PDE4D: variants seen among roughly 807,000 people sequenced by gnomAD.
PDE4D encodes phosphodiesterase 4D.
In PDE4D, 24 loss-of-function variants were observed where a neutral mutation model predicts 87.4. The observed-to-expected ratio is 0.27, with a 90% CI of 0.20 to 0.39. The LOEUF is 0.39. PDE4D is among the 10% of genes least tolerant of loss of function. PDE4D has a pLI of 1.00. For synonymous variants in PDE4D, 384 were observed against 383.2 expected (o/e 1.00, Z -0.02); for missense variants, 714 against 1,041.0 (o/e 0.69, Z 4.32).
intron 1 of PDE4D, chr5:59,768,253 T>C (rs765287869): frequency 2.5e-6 from 4 of 1,598,132 alleles, no homozygotes; most frequent in East Asian, 4.5e-5. Flanking sequence ...TTACCATGTA[T>C]GTGCCACCGT....
At chr5:60,370,603 A>C (rs1406087427) in intron 1 of PDE4D, among the ~76,000 whole-genome samples, 1 of 152,240 alleles carries the variant, frequency 6.6e-6, no homozygotes, top group Non-Finnish European at 1.5e-5. Flanking sequence ...AAAGCTGGTC[A>C]GCCACGCTAT....
chr5:60,476,664 G>A (rs1178281618), intron 1 of PDE4D, among the ~76,000 whole-genome samples: 1 of 152,158 alleles, frequency 6.6e-6, no homozygotes, highest in Non-Finnish European at 1.5e-5. Flanking sequence ...TACAGCTGCT[G>A]CAGCACCAAA....
intron 2 of PDE4D, among the ~76,000 whole-genome samples, chr5:60,016,976 G>A (rs13355557): frequency 0.1 from 15,671 of 152,176 alleles, 1,067 homozygotes; most frequent in Middle Eastern, 0.16. Context: ...AGCTACAGCT[G>A]TATGAAATGT....
intron 1 of PDE4D, among the ~76,000 whole-genome samples, chr5:60,216,114 C>A (rs1439489794): frequency 6.6e-6 from 1 of 152,042 alleles, no homozygotes; most frequent in Non-Finnish European, 1.5e-5. Flanking sequence ...CTCCTTGGAA[C>A]CAGTAAGAGA....
intron 1 of PDE4D, among the ~76,000 whole-genome samples, chr5:59,639,197 G>A (rs1051712259): frequency 6.6e-6 from 1 of 151,888 alleles, no homozygotes; most frequent in Non-Finnish European, 1.5e-5. Context: ...CGATATTACT[G>A]ATCCATTTTT....
chr5:59,451,920 C>T (rs1033168432), intron 1 of PDE4D, among the ~76,000 whole-genome samples: 2 of 151,932 alleles, frequency 1.3e-5, no homozygotes, highest in Non-Finnish European at 2.9e-5. Context: ...TTGTCTACAT[C>T]TTTAGTTTCT....
intron 2 of PDE4D, among the ~76,000 whole-genome samples, chr5:60,136,241 T>A (rs774613643): frequency 1.3e-5 from 2 of 152,200 alleles, no homozygotes; most frequent in Admixed American, 6.6e-5. Flanking sequence ...CTTTTTAAAA[T>A]TTTTTTCTTA....
intron 1 of PDE4D, among the ~76,000 whole-genome samples, chr5:59,383,521 T>TA (rs1283562475): frequency 2.0e-5 from 3 of 152,180 alleles, no homozygotes; most frequent in African/African-American, 2.4e-5. Flanking sequence ...GAGAGCCTTC[T>TA]AAGACGCTAC....
chr5:59,241,276 A>G (rs1205303612), intron 1 of PDE4D, among the ~76,000 whole-genome samples: 1 of 152,238 alleles, frequency 6.6e-6, no homozygotes, highest in African/African-American at 2.4e-5. Flanking sequence ...GGCCCTGAGC[A>G]AGTAGGACAA....
At chr5:59,024,868 A>G (rs1284248079) in intron 6 of PDE4D, among the ~76,000 whole-genome samples, 1 of 152,202 alleles carries the variant, frequency 6.6e-6, no homozygotes, top group Non-Finnish European at 1.5e-5. Flanking sequence ...GATAATGTTA[A>G]TAGGTTTCAT....
intron 2 of PDE4D, among the ~76,000 whole-genome samples, chr5:60,120,210 A>G (rs1387308053): frequency 6.6e-6 from 1 of 152,182 alleles, no homozygotes; most frequent in Non-Finnish European, 1.5e-5. Context: ...GCATTAGAAC[A>G]AATTCATGTT....
chr5:59,882,337 G>C (rs940534069), intron 1 of PDE4D, among the ~76,000 whole-genome samples: 3 of 152,122 alleles, frequency 2.0e-5, no homozygotes, highest in Admixed American at 2.0e-4. Flanking sequence ...GAAAACCCAG[G>C]TGGTGGGAAT....
rs78688416 is a variant in PDE4D at position 59,336,970 on chromosome 5, A to C, written c.456-121002T>G. 1.3e-3 allele frequency among the ~76,000 whole-genome samples: 198 copies of C among 152,196 alleles called. 1 individual carries two copies. Among genetic ancestry groups the C allele is most frequent in the African/African-American group, 4.7e-3 (194 of 41,502 alleles). On this transcript the variant is annotated intron_variant, in intron 1 of 14. Coordinates refer to ENST00000340635, the MANE Select transcript of PDE4D (RefSeq NM_001104631.2). ...ATGCTCTTGCAAATAAAAAACATTAACTCATGTCTAATTGCTTATCTACAC... is the reference window on the plus strand; with the variant it reads ...ATGCTCTTGCAAATAAAAAACATTACCTCATGTCTAATTGCTTATCTACAC...
At chr5:59,216,105 A>T (rs1194351335) in intron 1 of PDE4D, 137 bp from the exon 2 acceptor site, 1 of 627,958 alleles carries the variant, frequency 1.6e-6, no homozygotes, top group Non-Finnish European at 2.8e-6. Context: ...TGCCATAAAA[A>T]TATGATAATA....
chr5:58,978,708 T>C (rs1315665074), intron 11 of PDE4D, among the ~76,000 whole-genome samples: 2 of 152,160 alleles, frequency 1.3e-5, no homozygotes, highest in African/African-American at 4.8e-5. Flanking sequence ...CAGAGCTGTT[T>C]AGACTAGTAG....
chr5:59,391,884 A>T (rs2153608515), intron 1 of PDE4D, among the ~76,000 whole-genome samples: 1 of 150,928 alleles, frequency 6.6e-6, no homozygotes, highest in African/African-American at 2.4e-5. Flanking sequence ...ACTTTTCTTC[A>T]TGGTATTTAT....
intron 1 of PDE4D, among the ~76,000 whole-genome samples, chr5:59,881,992 A>G (rs1749496038): frequency 6.6e-6 from 1 of 152,214 alleles, no homozygotes; most frequent in South Asian, 2.1e-4. Flanking sequence ...CACATAATTC[A>G]ACACAAAGTT....
In PDE4D at chr5:60,205,065, A is replaced by G. The variant is rs150401579; in HGVS notation, c.-89-19378T>C. ...GTTTTCAGCAGCTGGTCCTTATCAT[A>G]CTCCCCCACCTTCCTTGTCTTCCAG... On this transcript the variant is annotated intron_variant, in intron 1 of 16. Coordinates refer to the PDE4D transcript ENST00000502484. 3.2e-3 allele frequency among the ~76,000 whole-genome samples: 486 copies of G among 151,796 alleles called. 4 individuals carry two copies. The highest frequency in any genetic ancestry group is 0.011 in the African/African-American group (457 of 41,350).
At chr5:59,577,627 T>C (rs879775310) in intron 1 of PDE4D, among the ~76,000 whole-genome samples, 2 of 152,156 alleles carry the variant, frequency 1.3e-5, no homozygotes, top group South Asian at 4.1e-4. Flanking sequence ...CTAAGACTTT[T>C]AGAATCTTAT....
Sources: gnomAD v4.1 joint callset for allele counts (sites outside exome capture counted in the v4.1 genomes callset) on GRCh38, gnomAD v4.1.1 for gene constraint, MANE v1.5 for transcripts, NCBI Gene and HGNC (gene_info 2026-07-23, HGNC 2026-07-21) for gene names.